Variants in COL5A1 observed in about 807,000 individuals in gnomAD.
The protein encoded by COL5A1 is collagen alpha-1(V) chain.
A neutral mutation model predicts 263.7 loss-of-function variants in COL5A1; 16 were observed. The ratio of observed to expected loss-of-function variants is 0.06; its 90% CI spans 0.04 to 0.09. The LOEUF (loss-of-function observed/expected upper bound fraction) is 0.09, where lower values mean the gene tolerates loss of function less well. Among genes scored for constraint, COL5A1 ranks in the 10% least tolerant of loss-of-function variants. The pLI, the probability that COL5A1 is intolerant of heterozygous loss-of-function variation, is 1.00. For missense variants in COL5A1, 2,036 were observed against 2,540.5 expected, an observed-to-expected ratio of 0.80 and a Z score of 4.27; for synonymous variants, 1,012 against 1,004.5, an observed-to-expected ratio of 1.01 and a Z score of -0.14.
intron 4 of COL5A1, among the ~76,000 whole-genome samples, chr9:134,724,384 A>C (rs1346025217): frequency 6.6e-6 from 1 of 152,234 alleles, no homozygotes; most frequent in African/African-American, 2.4e-5. Flanking sequence ...CCCAGGCCAC[A>C]CAGCCAGGCA....
intron 64 of COL5A1, chr9:134,830,319 A>C: frequency 1.2e-6 from 1 of 841,074 alleles, no homozygotes. Flanking sequence ...AGCAAGACTC[A>C]GCTAGGTGTG....
intron 11 of COL5A1, among the ~76,000 whole-genome samples, chr9:134,744,371 C>A (rs1306181856): frequency 6.7e-6 from 1 of 148,476 alleles, no homozygotes; most frequent in East Asian, 2.0e-4. Flanking sequence ...GCATACATGC[C>A]CACACATGCA....
chr9:134,685,323 T>C (rs1833003124), intron 1 of COL5A1, among the ~76,000 whole-genome samples: 1 of 148,126 alleles, frequency 6.8e-6, no homozygotes, highest in African/African-American at 2.5e-5. Flanking sequence ...CATCCATTCA[T>C]CCATCCATCT....
intron 14 of COL5A1, among the ~76,000 whole-genome samples, chr9:134,753,088 G>T (rs4500152): frequency 6.6e-6 from 1 of 151,726 alleles, no homozygotes; most frequent in African/African-American, 2.4e-5. Context: ...GCAGCCAGGG[G>T]CCTGGGGAAG....
chr9:134,743,302 G>A (rs181625135), intron 11 of COL5A1, among the ~76,000 whole-genome samples: 79 of 152,284 alleles, frequency 5.2e-4, no homozygotes, highest in Middle Eastern at 3.4e-3. Context: ...AGAGTTTAAC[G>A]TTTTCATCTA....
intron 1 of COL5A1, among the ~76,000 whole-genome samples, chr9:134,679,316 C>CTAGGGGGCACTGCAGGGCTTAT (rs1832768132): frequency 1.2e-5 from 1 of 80,132 alleles, no homozygotes; most frequent in South Asian, 5.0e-4. Context: ...GTGGGGCTGG[C>CTAGGGGGCACTGCAGGGCTTAT]TAGGGGGCAC....
At chr9:134,728,586 T>A in intron 5 of COL5A1, 84 bp from the exon 6 acceptor site, 1 of 1,594,066 alleles carries the variant, frequency 6.3e-7, no homozygotes, top group Non-Finnish European at 8.6e-7. Flanking sequence ...GGCGTGCAGA[T>A]CTGGAGGTTG....
intron 11 of COL5A1, among the ~76,000 whole-genome samples, chr9:134,739,898 G>T (rs888554144): frequency 1.3e-5 from 2 of 152,212 alleles, no homozygotes; most frequent in Non-Finnish European, 2.9e-5. Context: ...GAGCACTGAG[G>T]CCGGCCTTTG....
intron 4 of COL5A1, chr9:134,708,346 C>T (rs1196536721): frequency 3.1e-6 from 1 of 327,018 alleles, no homozygotes; most frequent in Admixed American, 4.3e-5. Flanking sequence ...TGTGCCTGCC[C>T]CTCCCGAGTC....
At chr9:134,703,129 G>A (rs1305357783) in intron 4 of COL5A1, among the ~76,000 whole-genome samples, 2 of 152,356 alleles carry the variant, frequency 1.3e-5, no homozygotes, top group Non-Finnish European at 2.9e-5. Context: ...TGGAGATTCT[G>A]CTGAACGTGC....
intron 37 of COL5A1, among the ~76,000 whole-genome samples, chr9:134,799,346 G>T (rs1275462278): frequency 1.3e-5 from 2 of 152,250 alleles, no homozygotes; most frequent in Non-Finnish European, 2.9e-5. Context: ...CAAGCTTGGG[G>T]CTCCAGGCTC....
rs78474855 is a variant in COL5A1, at chr9:134,794,733, A to G, written c.2701-349A>G. 2.1e-5 allele frequency among the ~76,000 whole-genome samples: 3 copies of G among 144,930 alleles called. No individual in the cohort carries two copies. In the East Asian group the frequency reaches 8.5e-4, roughly 41 times the overall value. ...CCTCCCTGCTGAGGACAGAGAGAGA[A>G]AGAGAGATGAGGAGGAGGGGAAGGA... On this transcript the variant is annotated intron_variant, in intron 32 of 65. Transcript: ENST00000371817. The surrounding 1 kb of genome is among the most constrained non-coding windows in gnomAD (Gnocchi z 4.3).
chr9:134,800,305 CG>C (rs1454096064), intron 37 of COL5A1, among the ~76,000 whole-genome samples: 1 of 152,314 alleles, frequency 6.6e-6, no homozygotes, highest in Admixed American at 6.5e-5. Context: ...CTCTTCTCCC[CG>C]GGTCCACTGA....
rs140312277 is a variant in COL5A1, at chr9:134,778,397, G to T, written c.2386-1705G>T. 2.7e-3 allele frequency among the ~76,000 whole-genome samples: 415 copies of T among 152,376 alleles called. 1 individual carries two copies. Among genetic ancestry groups the T allele is most frequent in the African/African-American group, 9.7e-3 (402 of 41,596 alleles). On this transcript the variant is annotated intron_variant, in intron 27 of 65. Transcript: ENST00000371817. ...AGCAGGCTGTTCTGAGCCTCCTCGC[G>T]GCTTGGCTGGTCGTTCCCACTCAGC...
intron 19 of COL5A1, 89 bp downstream of exon 19, chr9:134,762,067 G>C (rs1036832872): frequency 3.5e-5 from 50 of 1,411,522 alleles, no homozygotes; most frequent in Non-Finnish European, 5.0e-5. Flanking sequence ...AGGCCCAGGT[G>C]TGGGATTGGC....
At chr9:134,739,600 C>A (rs536736949) in intron 11 of COL5A1, among the ~76,000 whole-genome samples, 1 of 152,164 alleles carries the variant, frequency 6.6e-6, no homozygotes, top group Non-Finnish European at 1.5e-5. Context: ...GATGTCAGAG[C>A]GCAGTGGCTA....
intron 58 of COL5A1, among the ~76,000 whole-genome samples, chr9:134,820,858 C>T (rs1564483032): frequency 6.6e-6 from 1 of 152,138 alleles, no homozygotes. Context: ...GTCCTTATTC[C>T]TGTGTGGGAA....
At chr9:134,835,798 A>G (rs1249753277) in intron 65 of COL5A1, among the ~76,000 whole-genome samples, 1 of 152,118 alleles carries the variant, frequency 6.6e-6, no homozygotes, top group Non-Finnish European at 1.5e-5. Context: ...GCCTTCCCAC[A>G]TGCACGCCTT....
intron 1 of COL5A1, among the ~76,000 whole-genome samples, chr9:134,657,214 G>A (rs1397602261): frequency 1.2e-5 from 1 of 82,894 alleles, no homozygotes; most frequent in Non-Finnish European, 2.4e-5. Flanking sequence ...CAGGGTAGGG[G>A]GTGTAGTTTA....
Sources: gnomAD v4.1 joint callset for allele counts (sites outside exome capture counted in the v4.1 genomes callset) on GRCh38, gnomAD v4.1.1 for gene constraint, Gnocchi (gnomAD v3.1) non-coding constraint, MANE v1.5 for transcripts, NCBI Gene and HGNC (gene_info 2026-07-23, HGNC 2026-07-21) for gene names.